The following ARHGAP32 variants were observed in gnomAD, a reference collection of about 807,000 sequenced individuals.
ARHGAP32 encodes rho GTPase-activating protein 32.
ARHGAP32 carries 51 observed loss-of-function variants against 186.5 expected under a neutral mutation model. The observed-to-expected ratio is 0.27, with a 90% confidence interval of 0.22 to 0.35. The LOEUF (loss-of-function observed/expected upper bound fraction) is 0.35. ARHGAP32 is among the 10% of genes least tolerant of loss of function. The probability of loss-of-function intolerance (pLI) is 1.00; values close to 1 mark genes in which losing one functional copy is unlikely to be tolerated. For missense variants in ARHGAP32, 2,186 were observed against 2,623.5 expected, an observed-to-expected ratio of 0.83 and a Z score of 3.64; for synonymous variants, 950 against 964.3, an observed-to-expected ratio of 0.99 and a Z score of 0.27.
In ARHGAP32 at chr11:129,017,181, C is replaced by G. The variant is rs866893818; in HGVS notation, c.1046-18713G>C. ...CATCTATGAAAAAGTTTAGGCCAGG[C>G]ATGGTGGCTCATGCCTGTAATCCCA... On this transcript the variant is annotated intron_variant, in intron 11 of 22. Transcript: ENST00000682385. Among the ~76,000 whole-genome samples, 5 of 152,142 alleles carry G rather than the reference C, an allele frequency of 3.3e-5. No individual in the cohort carries two copies. In the South Asian group the frequency reaches 1.0e-3, roughly 32 times the overall value.
chr11:128,981,625 T>C (rs554184119), intron 16 of ARHGAP32, 64 bp from the exon 17 acceptor site: 37 of 1,505,934 alleles, frequency 2.5e-5, no homozygotes, highest in Middle Eastern at 1.8e-4. Flanking sequence ...CCTCTTTTTT[T>C]AAACGTGTAA....
intron 11 of ARHGAP32, among the ~76,000 whole-genome samples, chr11:129,020,781 A>G (rs1358204519): frequency 6.6e-6 from 1 of 152,076 alleles, no homozygotes; most frequent in Non-Finnish European, 1.5e-5. Flanking sequence ...AGTATATGTC[A>G]AAAATTTTTT....
At chr11:129,004,213 C>T (rs1422063756) in intron 11 of ARHGAP32, among the ~76,000 whole-genome samples, 1 of 149,708 alleles carries the variant, frequency 6.7e-6, no homozygotes, top group Non-Finnish European at 1.5e-5. Context: ...TCTGTTGTGG[C>T]CAGAGATGCC....
chr11:129,244,002 T>TC (rs1945053884), intron 1 of ARHGAP32, among the ~76,000 whole-genome samples: 1 of 152,200 alleles, frequency 6.6e-6, no homozygotes, highest in Admixed American at 6.5e-5. Context: ...CTTATTTATC[T>TC]CCTATTATAC....
intron 11 of ARHGAP32, among the ~76,000 whole-genome samples, chr11:129,007,149 G>A (rs534971866): frequency 8.7e-4 from 133 of 152,152 alleles, no homozygotes; most frequent in African/African-American, 2.7e-3. Context: ...GGCCCAGGGC[G>A]GGTCTAGAAA....
At chr11:129,037,690 C>A (rs896376165) in intron 11 of ARHGAP32, among the ~76,000 whole-genome samples, 1 of 151,666 alleles carries the variant, frequency 6.6e-6, no homozygotes, top group Admixed American at 6.6e-5. Flanking sequence ...TTACAAGGGG[C>A]CCAGAAAAGC....
chr11:128,978,384 TAA>T (rs956964383), intron 19 of ARHGAP32, among the ~76,000 whole-genome samples: 2 of 152,192 alleles, frequency 1.3e-5, no homozygotes, highest in African/African-American at 2.4e-5. Context: ...CTTCTTTAGT[TAA>T]AAGAGTTATA....
chr11:129,217,765 T>C (rs2135602075), intron 1 of ARHGAP32, among the ~76,000 whole-genome samples: 1 of 152,266 alleles, frequency 6.6e-6, no homozygotes, highest in East Asian at 1.9e-4. Context: ...TTGAAATAAA[T>C]ACACCAGTCA....
chr11:129,202,631 T>TAAGTCAATTTCCCTTCTAAATGTTTCCC (rs1944468394), intron 1 of ARHGAP32, among the ~76,000 whole-genome samples: 2 of 152,274 alleles, frequency 1.3e-5, no homozygotes, highest in African/African-American at 2.4e-5. Flanking sequence ...TATCAGGAAT[T>TAAGTCAATTTCCCTTCTAAATGTTTCCC]AAGTCAATTT....
rs1942576636 is a variant in ARHGAP32, at chr11:129,123,271, T to C, written c.444+175A>G. 6.6e-6 allele frequency among the ~76,000 whole-genome samples: 1 copy of C among 151,886 alleles called. No homozygotes were observed. The highest frequency in any genetic ancestry group is 2.4e-5 in the African/African-American group (1 of 41,368). On this transcript the variant is annotated intron_variant, in intron 5 of 22. Transcript: ENST00000682385. This position sits in a 1 kb window ranked among gnomAD's most constrained non-coding sequence, Gnocchi z 4.6. ...GTTACTTTCATATGTCAACGTGACA[T>C]CAAGTATTTGTCAATAGAAGAGAAG... is the stretch of plus-strand genomic sequence containing the variant.
intron 1 of ARHGAP32, among the ~76,000 whole-genome samples, chr11:129,187,304 T>C (rs759041075): frequency 7.9e-5 from 12 of 151,836 alleles, no homozygotes; most frequent in Non-Finnish European, 1.5e-4. Context: ...ATTTGTGTGA[T>C]CTAAAAATCA....
Position 129,040,925 on chromosome 11 carries a change from C to T in ARHGAP32, c.1045+3G>A. 1 of 1,598,804 alleles carries T rather than the reference C, an allele frequency of 6.3e-7. No homozygotes were observed. Among genetic ancestry groups the T allele is most frequent in the South Asian group, 1.1e-5 (1 of 88,028 alleles). ...ACTACACTAGTGAAAAAAGTGTACT[C>T]ACCTGGTTTTGGCACTGAGTTGGTC... On this transcript the variant is annotated splice_donor_region_variant and intron_variant, in intron 11 of 22. Transcript: ENST00000682385.
chr11:129,164,193 A>G lies in ARHGAP32; in HGVS notation c.225+126T>C, dbSNP rs1943587485. The stretch of plus-strand genomic sequence containing the variant: ...AGTATACAGTATTCACTCAATAAAT[A>G]TTTCCTGAATAAATGAACAAAGCAA... On this transcript the variant is annotated intron_variant, in intron 2 of 22. Coordinates refer to ENST00000682385, the MANE Select transcript of ARHGAP32 (RefSeq NM_001378024.1). 6.6e-6 allele frequency: 4 copies of G among 601,540 alleles called. No homozygotes were observed. In the Admixed American group the frequency reaches 1.2e-4, roughly 19 times the overall value. The allele number at this position is 601,540 out of a possible 1,614,324, so 37.3% of individuals were successfully genotyped here.
chr11:129,126,492 C>T (rs182649562), intron 2 of ARHGAP32, among the ~76,000 whole-genome samples: 5 of 152,304 alleles, frequency 3.3e-5, no homozygotes, highest in Admixed American at 1.3e-4. Context: ...CTGCATTTCA[C>T]TTTCATTTAA....
chr11:129,234,410 AT>A (rs1469389732), intron 1 of ARHGAP32, among the ~76,000 whole-genome samples: 2 of 152,166 alleles, frequency 1.3e-5, no homozygotes, highest in African/African-American at 4.8e-5. Flanking sequence ...TCTACTATAT[AT>A]TTTTCCTTAA....
chr11:129,124,700 A>T, intron 3 of ARHGAP32, 103 bp downstream of exon 3: 1 of 809,262 alleles, frequency 1.2e-6, no homozygotes, highest in Non-Finnish European at 1.9e-6. Flanking sequence ...GCACAGTAAC[A>T]GCATATTTTT....
intron 12 of ARHGAP32, among the ~76,000 whole-genome samples, chr11:128,990,027 T>C (rs1459617449): frequency 6.6e-6 from 1 of 152,216 alleles, no homozygotes; most frequent in Non-Finnish European, 1.5e-5. Flanking sequence ...CATTTAATTA[T>C]TATTGTATTT....
At chr11:129,115,578 C>T (rs1332556567) in intron 5 of ARHGAP32, among the ~76,000 whole-genome samples, 2 of 152,136 alleles carry the variant, frequency 1.3e-5, no homozygotes, top group Non-Finnish European at 2.9e-5. Context: ...AATAACACGA[C>T]AGCAGAATCA....
intron 1 of ARHGAP32, among the ~76,000 whole-genome samples, chr11:129,203,668 T>C (rs1429574450): frequency 1.4e-5 from 2 of 141,676 alleles, no homozygotes; most frequent in African/African-American, 2.6e-5. Flanking sequence ...GGCAGGAGGA[T>C]CCCTTAAGGC....
Sources: gnomAD v4.1 joint callset for allele counts (sites outside exome capture counted in the v4.1 genomes callset) on GRCh38, gnomAD v4.1.1 for gene constraint, Gnocchi (gnomAD v3.1) non-coding constraint, MANE v1.5 for transcripts, NCBI Gene and HGNC (gene_info 2026-07-23, HGNC 2026-07-21) for gene names.